NAALADL2: variants seen among roughly 807,000 people sequenced by gnomAD.
NAALADL2 encodes N-acetylated alpha-linked acidic dipeptidase like 2.
NAALADL2 carries 76 observed loss-of-function variants against 87.2 expected under a neutral mutation model. The ratio of observed to expected loss-of-function variants is 0.87; its 90% confidence interval spans 0.72 to 1.05. The LOEUF (loss-of-function observed/expected upper bound fraction) is 1.05. Among genes scored for constraint, NAALADL2 ranks in the 50% least tolerant of loss-of-function variants. NAALADL2 has a pLI of 0.00. For synonymous variants in NAALADL2, 354 were observed against 331.0 expected, an observed-to-expected ratio of 1.07 and a Z score of -0.75; for missense variants, 1,089 against 945.8, an observed-to-expected ratio of 1.15 and a Z score of -1.99.
rs1214694551 is a variant in NAALADL2 at position 175,013,296 on chromosome 3, TATA to T, written c.44-83493_44-83491del. On this transcript the variant is annotated intron_variant, in intron 1 of 13. Coordinates refer to ENST00000454872, the MANE Select transcript of NAALADL2 (RefSeq NM_207015.3). ...ATATATACATATATATATATATATA[TATA>T]TATTTTTTTTTTTTTTTGAGACAGG... 2.2e-3 allele frequency among the ~76,000 whole-genome samples: 170 copies of T among 77,436 alleles called. 7 individuals are homozygous for T. The highest frequency in any genetic ancestry group is 0.01 in the African/African-American group (110 of 10,958). The allele number at this position is 77,436 out of a possible 152,430, so 50.8% of individuals were successfully genotyped here. A position where few individuals can be genotyped will look rare whatever the true frequency, so the allele number is the denominator to read the frequency against.
chr3:175,414,395 G>A (rs1239202438), intron 5 of NAALADL2, among the ~76,000 whole-genome samples: 1 of 151,956 alleles, frequency 6.6e-6, no homozygotes, highest in Admixed American at 6.6e-5. Flanking sequence ...GTATCTTTTG[G>A]TCCCTCTATT....
At chr3:174,981,947 T>A (rs568820794) in intron 1 of NAALADL2, among the ~76,000 whole-genome samples, 2 of 152,330 alleles carry the variant, frequency 1.3e-5, no homozygotes, top group African/African-American at 2.4e-5. Flanking sequence ...TACGGACACT[T>A]TCTGAAGTCA....
chr3:174,809,611 A>G (rs184101330), intron 3 of NAALADL2, among the ~76,000 whole-genome samples: 241 of 147,622 alleles, frequency 1.6e-3, no homozygotes, highest in African/African-American at 6.3e-3. Flanking sequence ...AAGTGGCCTC[A>G]TATATAACTT....
At chr3:175,345,110 C>T (rs6797100) in intron 5 of NAALADL2, among the ~76,000 whole-genome samples, 20,132 of 69,728 alleles carry the variant, frequency 0.29, 1,867 homozygotes, top group African/African-American at 0.5. Context: ...GTCAGTCATA[C>T]ATTATTACCA....
intron 9 of NAALADL2, among the ~76,000 whole-genome samples, chr3:175,495,778 C>G (rs1728724441): frequency 6.6e-6 from 1 of 151,950 alleles, no homozygotes; most frequent in Non-Finnish European, 1.5e-5. Context: ...ATATTCTACT[C>G]TTTTCTTTTT....
chr3:174,685,421 C>T (rs1290409689), intron 2 of NAALADL2, among the ~76,000 whole-genome samples: 1 of 152,182 alleles, frequency 6.6e-6, no homozygotes, highest in African/African-American at 2.4e-5. Flanking sequence ...CAACTGCTGT[C>T]ACCATGTTTA....
intron 9 of NAALADL2, among the ~76,000 whole-genome samples, chr3:175,556,140 C>T (rs1204707654): frequency 6.6e-6 from 1 of 152,130 alleles, no homozygotes; most frequent in Admixed American, 6.6e-5. Flanking sequence ...GTGATAACAG[C>T]CTGTCTCTTG....
intron 1 of NAALADL2, among the ~76,000 whole-genome samples, chr3:174,536,129 T>G (rs1245058928): frequency 6.6e-6 from 1 of 152,126 alleles, no homozygotes; most frequent in Non-Finnish European, 1.5e-5. Flanking sequence ...GAGTTTCTAG[T>G]ATGTATGTCT....
rs1351334594 is a variant in NAALADL2 at position 175,667,211 on chromosome 3, GAA to G, written c.1896+39827_1896+39828del. On this transcript the variant is annotated intron_variant, in intron 11 of 13. Transcript: ENST00000454872. ...AGAAAGAAAGAAAGAAAGAAAGAAA[GAA>G]AGAAAGAAAGAAAGAAAGAAAGAAA... is the stretch of plus-strand genomic sequence containing the variant. Among the ~76,000 whole-genome samples the G allele has an allele frequency of 4.2e-3, 506 of 121,228 alleles. 4 individuals are homozygous for G. The highest frequency in any genetic ancestry group is 0.022 in the African/African-American group (472 of 21,626). The allele number at this position is 121,228 out of a possible 152,430, so 79.5% of individuals were successfully genotyped here. A position where few individuals can be genotyped will look rare whatever the true frequency, so the allele number is the denominator to read the frequency against.
intron 2 of NAALADL2, among the ~76,000 whole-genome samples, chr3:174,572,039 C>T (rs1209122934): frequency 2.0e-5 from 3 of 152,080 alleles, no homozygotes; most frequent in Non-Finnish European, 2.9e-5. Flanking sequence ...ATAGCAAAAC[C>T]GGACAAGGAA....
In NAALADL2 at chr3:174,682,483, A is replaced by G. The variant is rs554777845; in HGVS notation, c.-114-55158A>G. Reference sequence around the variant, plus strand: ...AACATGCTGGCTTCAGATATGACACAGTGCAGTCCCAGTTGTGGTGGCCAC... The same window carrying G: ...AACATGCTGGCTTCAGATATGACACGGTGCAGTCCCAGTTGTGGTGGCCAC... On this transcript the variant is annotated intron_variant, in intron 2 of 3. Coordinates refer to the NAALADL2 transcript ENST00000434257. Among the ~76,000 whole-genome samples the G allele has an allele frequency of 1.8e-4, 28 of 152,284 alleles. 1 individual carries two copies. In the South Asian group the frequency reaches 5.8e-3, roughly 32 times the overall value.
intron 1 of NAALADL2, among the ~76,000 whole-genome samples, chr3:174,522,668 C>T (rs1720383787): frequency 6.6e-6 from 1 of 151,910 alleles, no homozygotes; most frequent in South Asian, 2.1e-4. Context: ...GGTGCAGTGG[C>T]TCACACCTGT....
At chr3:174,512,226 T>C (rs932441728) in intron 1 of NAALADL2, among the ~76,000 whole-genome samples, 1 of 152,212 alleles carries the variant, frequency 6.6e-6, no homozygotes, top group Non-Finnish European at 1.5e-5. Flanking sequence ...TGGGCTTAGA[T>C]TGGTAAATTG....
intron 2 of NAALADL2, among the ~76,000 whole-genome samples, chr3:175,139,280 A>T (rs1352481724): frequency 2.0e-5 from 3 of 152,038 alleles, no homozygotes; most frequent in Non-Finnish European, 4.4e-5. Context: ...AATCATAAAA[A>T]AATAAAATGT....
intron 4 of NAALADL2, among the ~76,000 whole-genome samples, chr3:175,266,845 G>A (rs1363527083): frequency 2.0e-5 from 3 of 151,568 alleles, no homozygotes; most frequent in African/African-American, 7.3e-5. Context: ...TTAAATAATA[G>A]TACAACCTGG....
chr3:175,058,115 C>T (rs114455759), intron 1 of NAALADL2, among the ~76,000 whole-genome samples: 6 of 152,080 alleles, frequency 3.9e-5, no homozygotes, highest in South Asian at 2.1e-4. Context: ...ACTTCTATTA[C>T]GAGAAAAATG....
rs560811190 is a variant in NAALADL2, at chr3:174,464,113, A to G, written c.-184+23081A>G. Among the ~76,000 whole-genome samples the G allele has an allele frequency of 3.0e-4, 46 of 152,112 alleles. 1 individual carries two copies. The highest frequency in any genetic ancestry group is 3.4e-3 in the Middle Eastern group (1 of 294). On this transcript the variant is annotated intron_variant, in intron 1 of 3. Coordinates refer to the NAALADL2 transcript ENST00000434257. ...AACCATCTCATTTTTGAGCTATAGTATTTCTTGATTTCAACCTTTATTATT... is the reference window on the plus strand; with the variant it reads ...AACCATCTCATTTTTGAGCTATAGTGTTTCTTGATTTCAACCTTTATTATT...
chr3:174,494,014 C>T (rs1718368746), intron 1 of NAALADL2, among the ~76,000 whole-genome samples: 1 of 152,072 alleles, frequency 6.6e-6, no homozygotes, highest in Non-Finnish European at 1.5e-5. Flanking sequence ...TGCTTTTAAG[C>T]CTTGCAGGAA....
intron 2 of NAALADL2, among the ~76,000 whole-genome samples, chr3:175,204,034 C>T (rs1740458951): frequency 6.6e-6 from 1 of 152,088 alleles, no homozygotes; most frequent in Non-Finnish European, 1.5e-5. Context: ...GAATTGGTAC[C>T]AATAGTTTTG....
Sources: allele counts gnomAD v4.1 joint callset (sites outside exome capture counted in the v4.1 genomes callset), GRCh38; gene constraint gnomAD v4.1.1; transcripts MANE v1.5; gene names NCBI Gene and HGNC (gene_info 2026-07-23, HGNC 2026-07-21).